FAM120B: variants seen among roughly 807,000 people sequenced by gnomAD.
FAM120B encodes family with sequence similarity 120 member B.
FAM120B carries 83 observed loss-of-function variants against 96.3 expected under a neutral mutation model. The observed-to-expected ratio is 0.86, with a 90% CI of 0.72 to 1.03. The LOEUF is 1.03. FAM120B is among the 50% of genes least tolerant of loss of function. The probability of loss-of-function intolerance (pLI) is 0.00; values close to 1 mark genes in which losing one functional copy is unlikely to be tolerated. For synonymous variants in FAM120B, 407 were observed against 402.7 expected, an observed-to-expected ratio of 1.01 and a Z score of -0.13; for missense variants, 1,027 against 1,121.2, an observed-to-expected ratio of 0.92 and a Z score of 1.20.
intron 6 of FAM120B, among the ~76,000 whole-genome samples, chr6:170,380,421 C>A (rs1202491025): frequency 1.3e-5 from 2 of 152,158 alleles, no homozygotes; most frequent in Non-Finnish European, 2.9e-5. Flanking sequence ...TTTTGAGGAA[C>A]CTCCATACTG....
intron 5 of FAM120B, among the ~76,000 whole-genome samples, chr6:170,351,202 C>T (rs113654525): frequency 1.2e-4 from 19 of 152,116 alleles, no homozygotes; most frequent in African/African-American, 4.1e-4. Context: ...TCTCAGAGCT[C>T]GAAGACTATC....
At chr6:170,352,088 G>A (rs985740716) in intron 5 of FAM120B, among the ~76,000 whole-genome samples, 6 of 152,170 alleles carry the variant, frequency 3.9e-5, no homozygotes, top group Non-Finnish European at 7.3e-5. Context: ...TAAAGGGTTG[G>A]AAGAAAATTT....
chr6:170,314,511 T>G (rs745536417), intron 1 of FAM120B, among the ~76,000 whole-genome samples: 2 of 152,216 alleles, frequency 1.3e-5, no homozygotes, highest in Non-Finnish European at 2.9e-5. Flanking sequence ...GAGAAATAAC[T>G]TCTGTTTTCT....
At chr6:170,374,529 A>G (rs6456203) in intron 6 of FAM120B, among the ~76,000 whole-genome samples, 47,103 of 152,102 alleles carry the variant, frequency 0.31, 8,297 homozygotes, top group East Asian at 0.79. Context: ...AATGTTTATT[A>G]TTGACTCGTT....
At chr6:170,290,742 C>A (rs1242551717), upstream of FAM120B, 20 of 433,528 alleles carry the variant, frequency 4.6e-5, no homozygotes, top group Admixed American at 4.2e-5. The surrounding 1 kb of genome is among the most constrained non-coding windows in gnomAD (Gnocchi z 4.7). Context: ...GCACTCCGGG[C>A]TCCGATCTCC....
intron 7 of FAM120B, among the ~76,000 whole-genome samples, chr6:170,390,125 G>C (rs1036406733): frequency 1.3e-5 from 2 of 152,192 alleles, no homozygotes; most frequent in Admixed American, 1.3e-4. Flanking sequence ...GGTGTGATCC[G>C]TGAGAGAGCA....
At chr6:170,369,491 G>T (rs887973509) in intron 6 of FAM120B, among the ~76,000 whole-genome samples, 6 of 152,198 alleles carry the variant, frequency 3.9e-5, no homozygotes, top group Admixed American at 2.0e-4. Context: ...AGCAAGAAAA[G>T]GTAAGAAGGA....
At chr6:170,365,022 A>G (rs192702973) in intron 6 of FAM120B, among the ~76,000 whole-genome samples, 1 of 152,326 alleles carries the variant, frequency 6.6e-6, no homozygotes, top group East Asian at 1.9e-4. Flanking sequence ...CAACATCAGA[A>G]TGAGAGGAGG....
chr6:170,316,118 C>G (rs1784887905), intron 1 of FAM120B, among the ~76,000 whole-genome samples: 2 of 150,534 alleles, frequency 1.3e-5, no homozygotes, highest in Middle Eastern at 3.2e-3. Context: ...TGTGAGGATG[C>G]CTTTTCTCAA....
chr6:170,300,586 A>T (rs1784119879), intron 1 of FAM120B, among the ~76,000 whole-genome samples: 1 of 152,208 alleles, frequency 6.6e-6, no homozygotes, highest in Non-Finnish European at 1.5e-5. Flanking sequence ...GTCCAAGTCC[A>T]AAGTGTCTGA....
At chr6:170,375,281 G>A (rs919732665) in intron 6 of FAM120B, among the ~76,000 whole-genome samples, 3 of 152,240 alleles carry the variant, frequency 2.0e-5, no homozygotes, top group Non-Finnish European at 4.4e-5. Context: ...AGGCAACAGG[G>A]CCTCACAAAG....
chr6:170,343,913 C>T (rs112977299), intron 4 of FAM120B, among the ~76,000 whole-genome samples: 6 of 152,316 alleles, frequency 3.9e-5, no homozygotes, highest in South Asian at 4.1e-4. Context: ...CCGATGAAAT[C>T]GTTCAGTCCA....
In FAM120B at chr6:170,358,267, G is replaced by T. The variant is rs369790588; in HGVS notation, c.2232G>T (p.Ala744=). The change falls in exon 6 of 11, where the codon GCG becomes GCT. Residue 744 remains alanine (A), a synonymous_variant. Coordinates refer to ENST00000476287, the MANE Select transcript of FAM120B (RefSeq NM_032448.3). ...TGGAGGATTTGCATGCGTTTATTGC[G>T]CAGGCCTTGTGCCTCCAAGGAAAAT... ...LCLEDLHAFI[A]QALCLQGKST... is the part of the protein sequence containing the mutation. 4 of 1,606,650 alleles carry T rather than the reference G, an allele frequency of 2.5e-6. No individual in the cohort carries two copies. The highest frequency in any genetic ancestry group is 1.7e-5 in the Admixed American group (1 of 59,578).
upstream of FAM120B, among the ~76,000 whole-genome samples, chr6:170,303,632 G>A (rs1430820885): frequency 6.6e-6 from 1 of 152,160 alleles, no homozygotes; most frequent in African/African-American, 2.4e-5. Flanking sequence ...AACTCTAGAA[G>A]ACAAGGATTT....
chr6:170,292,957 C>G (rs1212184143), upstream of FAM120B, among the ~76,000 whole-genome samples: 5 of 152,166 alleles, frequency 3.3e-5, no homozygotes, highest in Admixed American at 3.3e-4. The surrounding 1 kb of genome is among the most constrained non-coding windows in gnomAD (Gnocchi z 6.6). Flanking sequence ...TGGTTCAGAG[C>G]AAATGGAGGC....
chr6:170,296,322 C>G (rs1257392647), intron 1 of FAM120B, among the ~76,000 whole-genome samples: 4 of 152,154 alleles, frequency 2.6e-5, no homozygotes, highest in Admixed American at 6.5e-5. Flanking sequence ...GTGAGCGCAC[C>G]TGAGGGCTTC....
chr6:170,329,234 C>T lies in FAM120B; in HGVS notation c.1916-1215C>T, dbSNP rs116383148. On this transcript the variant is annotated intron_variant, in intron 3 of 10. Coordinates refer to ENST00000476287, the MANE Select transcript of FAM120B (RefSeq NM_032448.3). ...TGGTGGCCTCAATAGTCTTGATCTC[C>T]AGTCTCTGTCTCCTCATCTGAGGAA... Among the ~76,000 whole-genome samples the T allele has an allele frequency of 3.5e-3, 538 of 152,352 alleles. 2 individuals are homozygous for T. Among genetic ancestry groups the T allele is most frequent in the African/African-American group, 0.012 (491 of 41,584 alleles).
At chr6:170,383,934 G>A (rs1790053787) in intron 6 of FAM120B, among the ~76,000 whole-genome samples, 1 of 152,194 alleles carries the variant, frequency 6.6e-6, no homozygotes. Context: ...AGCACAACTC[G>A]GCAATAAAGA....
intron 5 of FAM120B, among the ~76,000 whole-genome samples, chr6:170,349,850 A>G (rs1462020835): frequency 6.6e-6 from 1 of 152,132 alleles, no homozygotes; most frequent in Non-Finnish European, 1.5e-5. Flanking sequence ...AAACAACACA[A>G]CCCACAGAGA....
Sources: gnomAD v4.1 joint callset for allele counts (sites outside exome capture counted in the v4.1 genomes callset) on GRCh38, gnomAD v4.1.1 for gene constraint, Gnocchi (gnomAD v3.1) non-coding constraint, MANE v1.5 for transcripts, NCBI Gene and HGNC (gene_info 2026-07-23, HGNC 2026-07-21) for gene names.